Variants in RYR3 observed in about 807,000 individuals in gnomAD.
The protein encoded by RYR3 is brain ryanodine receptor-calcium release channel.
Under a neutral mutation model 584.3 loss-of-function variants are expected in RYR3, and 207 were observed. The ratio of observed to expected loss-of-function variants is 0.35; its 90% confidence interval spans 0.32 to 0.40. The LOEUF (loss-of-function observed/expected upper bound fraction) is 0.40. Ranked by LOEUF, RYR3 falls within the 10% of genes least tolerant of loss-of-function variation. The pLI is 1.00. For missense variants in RYR3, 5,616 were observed against 6,089.2 expected (o/e 0.92, Z 2.59); for synonymous variants, 2,416 against 2,248.5 (o/e 1.07, Z -2.11).
chr15:33,611,571 A>G (rs542882794), intron 18 of RYR3, among the ~76,000 whole-genome samples: 2 of 151,020 alleles, frequency 1.3e-5, no homozygotes, highest in Admixed American at 1.3e-4. Flanking sequence ...AGAAAAAAAA[A>G]TGTGTATAAC....
At chr15:33,478,380 A>G (rs901164698) in intron 2 of RYR3, among the ~76,000 whole-genome samples, 2 of 152,182 alleles carry the variant, frequency 1.3e-5, no homozygotes, top group African/African-American at 4.8e-5. Context: ...CTCACGTACC[A>G]TAGGAACCAA....
chr15:33,504,723 A>G (rs923977951), intron 3 of RYR3, among the ~76,000 whole-genome samples: 1 of 152,100 alleles, frequency 6.6e-6, no homozygotes, highest in African/African-American at 2.4e-5. Context: ...TTCCTGCCCC[A>G]TCTCTCACCA....
At chr15:33,521,783 C>A (rs138611625) in intron 3 of RYR3, among the ~76,000 whole-genome samples, 216 of 152,268 alleles carry the variant, frequency 1.4e-3, no homozygotes, top group South Asian at 2.9e-3. Context: ...ATGCAGCCAA[C>A]TTTCTTTTCT....
In RYR3 at chr15:33,412,392, C is replaced by T. The variant is rs540487131; in HGVS notation, c.52-61027C>T. 1.2e-4 allele frequency among the ~76,000 whole-genome samples: 18 copies of T among 152,092 alleles called. No homozygotes were observed. The highest frequency in any genetic ancestry group is 6.3e-4 in the South Asian group (3 of 4,796). ...TTCTCAGTGGGAGACAAACTGACAG[C>T]GGAAACCCTGGCTCTATTTAAGGCT... On this transcript the variant is annotated intron_variant, in intron 1 of 103. Transcript: ENST00000634891. The surrounding 1 kb of genome is among the most constrained non-coding windows in gnomAD (Gnocchi z 4.3).
chr15:33,658,729 T>C (rs554207230), intron 32 of RYR3, among the ~76,000 whole-genome samples: 5 of 152,342 alleles, frequency 3.3e-5, no homozygotes, highest in African/African-American at 9.6e-5. Flanking sequence ...TTTAGTAATA[T>C]GGAATTCAGA....
chr15:33,756,161 T>C (rs1382571329), intron 58 of RYR3, 145 bp from the exon 59 acceptor site: 9 of 679,058 alleles, frequency 1.3e-5, no homozygotes, highest in Non-Finnish European at 2.2e-5. Context: ...ACCAGGACAG[T>C]TGTAAAGTAC....
In RYR3 at chr15:33,355,975, G is replaced by T. The variant is rs182662839; in HGVS notation, c.51+44879G>T. 7.7e-4 allele frequency among the ~76,000 whole-genome samples: 117 copies of T among 152,318 alleles called. 1 individual carries two copies. The highest frequency in any genetic ancestry group is 7.4e-5 in the Non-Finnish European group (5 of 68,026). ...GAACCCTGTAGTAGATACTGTGAGAGAAACAGAAGAGTGAGACCTTCAGCT... is the reference window on the plus strand; with the variant it reads ...GAACCCTGTAGTAGATACTGTGAGATAAACAGAAGAGTGAGACCTTCAGCT... On this transcript the variant is annotated intron_variant, in intron 1 of 103. Transcript: ENST00000634891.
At chr15:33,490,772 A>G (rs2050901349) in intron 2 of RYR3, among the ~76,000 whole-genome samples, 1 of 151,362 alleles carries the variant, frequency 6.6e-6, no homozygotes, top group African/African-American at 2.4e-5. Context: ...GTCAAGAAAG[A>G]TGAGAACTTT....
intron 3 of RYR3, among the ~76,000 whole-genome samples, chr15:33,519,423 T>A (rs983050473): frequency 1.3e-5 from 2 of 152,062 alleles, no homozygotes; most frequent in African/African-American, 4.8e-5. Context: ...AAAAGGAAAG[T>A]CAATCACTGG....
At chr15:33,767,838 A>G (rs1044777348) in intron 60 of RYR3, among the ~76,000 whole-genome samples, 2 of 152,198 alleles carry the variant, frequency 1.3e-5, no homozygotes, top group Non-Finnish European at 2.9e-5. Context: ...TCAGCAACAC[A>G]GGTCAAATGA....
chr15:33,696,340 G>A lies in RYR3; in HGVS notation c.5983G>A (p.Glu1995Lys). ...LLRRQYDSIG[E>K]LLQALRKTYT... ...CCGGAGGCAGTATGACAGCATTGGG[G>A]AGCTGCTGCAGGCGCTGCGGAAGAC... The change falls in exon 39 of 104, where the codon GAG becomes AAG. Residue 1995 changes from glutamate (E) to lysine (K), a missense_variant. Transcript: ENST00000634891. 6.2e-7 allele frequency: 1 copy of A among 1,613,424 alleles called. No homozygotes were observed. Among genetic ancestry groups the A allele is most frequent in the Non-Finnish European group, 8.5e-7 (1 of 1,179,794 alleles).
chr15:33,780,577 G>A (rs1314814205), intron 65 of RYR3, among the ~76,000 whole-genome samples: 1 of 152,202 alleles, frequency 6.6e-6, no homozygotes. Flanking sequence ...AGTCAGTGTT[G>A]CTGATTTTGA....
intron 2 of RYR3, among the ~76,000 whole-genome samples, chr15:33,479,721 G>A (rs143274311): frequency 6.6e-6 from 1 of 152,160 alleles, no homozygotes; most frequent in African/African-American, 2.4e-5. Flanking sequence ...AGAGTATCGT[G>A]GATCCAGCTT....
chr15:33,403,246 AAG>A (rs1383935094), intron 1 of RYR3, among the ~76,000 whole-genome samples: 3 of 134,460 alleles, frequency 2.2e-5, no homozygotes, highest in Admixed American at 1.4e-4. Flanking sequence ...GTAGAAAATT[AAG>A]GCAATGTGCA....
intron 86 of RYR3, among the ~76,000 whole-genome samples, chr15:33,832,260 C>T (rs1449220852): frequency 1.3e-5 from 2 of 151,060 alleles, no homozygotes; most frequent in Non-Finnish European, 2.9e-5. Flanking sequence ...CGCCGCCGCA[C>T]TCCAACCTGG....
At chr15:33,722,381 C>T (rs1288224074) in intron 43 of RYR3, 2 of 292,344 alleles carry the variant, frequency 6.8e-6, no homozygotes, top group Non-Finnish European at 6.2e-6. Flanking sequence ...AGAGTAAAAA[C>T]CTGCTCTGTA....
chr15:33,739,252 C>T (rs1017159738), intron 50 of RYR3, among the ~76,000 whole-genome samples: 1 of 152,198 alleles, frequency 6.6e-6, no homozygotes, highest in Non-Finnish European at 1.5e-5. Flanking sequence ...AGCTTGTTCA[C>T]CTGCACTTAA....
intron 12 of RYR3, among the ~76,000 whole-genome samples, chr15:33,577,238 G>A (rs2058346544): frequency 6.6e-6 from 1 of 152,132 alleles, no homozygotes; most frequent in Admixed American, 6.5e-5. Context: ...AACTACCATT[G>A]ACATTCTTCA....
chr15:33,814,519 G>A (rs894872927), intron 74 of RYR3, among the ~76,000 whole-genome samples: 19 of 152,062 alleles, frequency 1.2e-4, no homozygotes, highest in African/African-American at 3.1e-4. Context: ...GTGGATCTTG[G>A]CCATCATTTG....
Sources: gnomAD v4.1 joint callset for allele counts (sites outside exome capture counted in the v4.1 genomes callset) on GRCh38, gnomAD v4.1.1 for gene constraint, Gnocchi (gnomAD v3.1) non-coding constraint, MANE v1.5 for transcripts, NCBI Gene and HGNC (gene_info 2026-07-23, HGNC 2026-07-21) for gene names.